Variants in MARCHF3 observed in about 807,000 individuals in gnomAD.
MARCHF3 encodes the protein membrane associated ring-CH-type finger 3.
In MARCHF3, 13 loss-of-function variants were observed where a neutral mutation model predicts 24.2. That is an observed-to-expected ratio of 0.54 (90% CI 0.35 to 0.85). The LOEUF (loss-of-function observed/expected upper bound fraction) is 0.85. Ranked by LOEUF, MARCHF3 falls within the 40% of genes least tolerant of loss-of-function variation. The pLI is 0.01. For synonymous variants in MARCHF3, 144 were observed against 137.3 expected (o/e 1.05, Z -0.34); for missense variants, 276 against 325.0 (o/e 0.85, Z 1.16).
chr5:126,894,715 T>C (rs1323362593), intron 3 of MARCHF3, among the ~76,000 whole-genome samples: 2 of 152,076 alleles, frequency 1.3e-5, no homozygotes, highest in Non-Finnish European at 2.9e-5. Flanking sequence ...CTGGCTGCCC[T>C]TAAGATTTTT....
chr5:126,909,128 G>A (rs1754414461), intron 3 of MARCHF3, among the ~76,000 whole-genome samples: 1 of 152,238 alleles, frequency 6.6e-6, no homozygotes, highest in African/African-American at 2.4e-5. Flanking sequence ...CAGTTAGGCT[G>A]CTCGGGGGTC....
At position 126,973,879 on chromosome 5, in the gene MARCHF3, A is replaced by ATTT. The variant is rs10585434; in HGVS notation, c.-56-55655_-56-55653dup. On this transcript the variant is annotated intron_variant, in intron 1 of 4. Transcript: ENST00000308660. ...CTATCCAGAATATTAAGCAAAATCT[A>ATTT]TTTTTTTTTTTTTTTTTTTTTTTTT... 4.3e-4 allele frequency among the ~76,000 whole-genome samples: 36 copies of ATTT among 82,976 alleles called. 1 individual carries two copies. The highest frequency in any genetic ancestry group is 6.3e-4 in the Non-Finnish European group (29 of 45,838). The allele number at this position is 82,976 out of a possible 152,430, so 54.4% of individuals were successfully genotyped here. A position where few individuals can be genotyped will look rare whatever the true frequency, so the allele number is the denominator to read the frequency against.
chr5:126,990,590 T>C (rs1751719634), intron 1 of MARCHF3, among the ~76,000 whole-genome samples: 1 of 152,080 alleles, frequency 6.6e-6, no homozygotes, highest in Non-Finnish European at 1.5e-5. Flanking sequence ...CAAAAGAAAC[T>C]ACCATCAGAG....
At chr5:126,876,269 A>C (rs924134122) in intron 4 of MARCHF3, among the ~76,000 whole-genome samples, 1 of 152,218 alleles carries the variant, frequency 6.6e-6, no homozygotes, top group Non-Finnish European at 1.5e-5. Context: ...TTGGTTTTGA[A>C]AGCCCAGCAT....
intron 3 of MARCHF3, among the ~76,000 whole-genome samples, chr5:126,894,756 A>G (rs181971743): frequency 1.9e-4 from 29 of 151,966 alleles, no homozygotes; most frequent in African/African-American, 6.5e-4. Flanking sequence ...GAATCTGACA[A>G]TTATGTGTGG....
intron 1 of MARCHF3, among the ~76,000 whole-genome samples, chr5:127,003,009 C>T (rs1752178535): frequency 6.6e-6 from 1 of 152,060 alleles, no homozygotes; most frequent in Non-Finnish European, 1.5e-5. Context: ...ATCACAAGTC[C>T]CAGTGGACTA....
chr5:126,898,662 C>T (rs533282710), intron 3 of MARCHF3, among the ~76,000 whole-genome samples: 1 of 152,092 alleles, frequency 6.6e-6, no homozygotes, highest in Non-Finnish European at 1.5e-5. Context: ...TTCTGCTTTA[C>T]TGACTCTTCC....
chr5:126,991,165 T>C (rs896806114), intron 1 of MARCHF3, among the ~76,000 whole-genome samples: 4 of 152,162 alleles, frequency 2.6e-5, no homozygotes, highest in Admixed American at 6.5e-5. Context: ...CCATCAATGA[T>C]AGACTGGATT....
At chr5:126,899,552 G>T (rs1754035372) in intron 3 of MARCHF3, among the ~76,000 whole-genome samples, 1 of 152,084 alleles carries the variant, frequency 6.6e-6, no homozygotes, top group Non-Finnish European at 1.5e-5. Context: ...CTCAAATGCA[G>T]AGGAAGAGTA....
intron 2 of MARCHF3, among the ~76,000 whole-genome samples, chr5:126,915,846 T>C (rs1377975180): frequency 6.6e-6 from 1 of 152,226 alleles, no homozygotes; most frequent in Non-Finnish European, 1.5e-5. Context: ...TAGGGGTTCA[T>C]AGTGCAGGCT....
At chr5:126,934,264 C>A (rs768638926) in intron 1 of MARCHF3, among the ~76,000 whole-genome samples, 11 of 152,112 alleles carry the variant, frequency 7.2e-5, no homozygotes, top group Non-Finnish European at 1.5e-4. Flanking sequence ...AGCATATTTG[C>A]TGACTCACTA....
chr5:127,008,673 T>C (rs944037803), intron 1 of MARCHF3, among the ~76,000 whole-genome samples: 7 of 152,174 alleles, frequency 4.6e-5, no homozygotes, highest in Non-Finnish European at 7.3e-5. Flanking sequence ...AGAGTCTTTA[T>C]CACCTGTTAT....
chr5:126,976,521 T>C (rs1189118403), intron 1 of MARCHF3, among the ~76,000 whole-genome samples: 1 of 151,018 alleles, frequency 6.6e-6, no homozygotes, highest in Non-Finnish European at 1.5e-5. Flanking sequence ...CCCTGTGTGG[T>C]TTCCAAAAGC....
intron 3 of MARCHF3, among the ~76,000 whole-genome samples, chr5:126,912,155 G>A (rs1050757079): frequency 2.0e-5 from 3 of 152,202 alleles, no homozygotes; most frequent in Admixed American, 6.5e-5. Context: ...ACAGCCCTGG[G>A]TTCCTGCCCA....
chr5:126,870,517 T>C lies in MARCHF3; in HGVS notation c.*116A>G. On this transcript the variant is annotated 3_prime_UTR_variant, in exon 5 of 5. Coordinates refer to ENST00000308660, the MANE Select transcript of MARCHF3 (RefSeq NM_178450.5). ...GAGTGATGTGCTAATATGCTCTGGA[T>C]GTTCTTAGACCCACAGGCTTAAGGA... 1 of 875,082 alleles carries C rather than the reference T, an allele frequency of 1.1e-6. No homozygotes were observed. The highest frequency in any genetic ancestry group is 1.8e-6 in the Non-Finnish European group (1 of 553,190). The allele number at this position is 875,082 out of a possible 1,614,324, so 54.2% of individuals were successfully genotyped here.
intron 1 of MARCHF3, among the ~76,000 whole-genome samples, chr5:126,925,285 T>C (rs919712984): frequency 3.3e-5 from 5 of 152,198 alleles, no homozygotes; most frequent in Non-Finnish European, 7.3e-5. Context: ...GTTACCATAA[T>C]ATGTTCCTAG....
rs112284753 is a variant in MARCHF3 at position 126,918,382 on chromosome 5, G to GCACACACACACACACACA, written c.-56-173_-56-156dup. Among the ~76,000 whole-genome samples the GCACACACACACACACACA allele has an allele frequency of 2.7e-5, 4 of 149,530 alleles. No homozygotes were observed. In the South Asian group the frequency reaches 6.4e-4, roughly 24 times the overall value. The stretch of plus-strand genomic sequence containing the variant: ...TATCTTGTTACTGTTTAATACAAGT[G>GCACACACACACACACACA]CACACACACACACACACACAGAGCC... On this transcript the variant is annotated intron_variant, in intron 1 of 4. Transcript: ENST00000308660.
chr5:126,933,679 C>T (rs904228478), intron 1 of MARCHF3, among the ~76,000 whole-genome samples: 5 of 152,062 alleles, frequency 3.3e-5, no homozygotes, highest in Non-Finnish European at 5.9e-5. Context: ...TTCCTGACCT[C>T]GTGATTCACA....
At chr5:127,014,675 G>A (rs1752579117) in intron 1 of MARCHF3, among the ~76,000 whole-genome samples, 1 of 152,060 alleles carries the variant, frequency 6.6e-6, no homozygotes, top group African/African-American at 2.4e-5. Context: ...TGGAAATGGA[G>A]GACATTATGT....
Sources: allele counts gnomAD v4.1 joint callset (sites outside exome capture counted in the v4.1 genomes callset), GRCh38; gene constraint gnomAD v4.1.1; transcripts MANE v1.5; gene names NCBI Gene and HGNC (gene_info 2026-07-23, HGNC 2026-07-21).